Variants in BABAM2 observed in about 807,000 individuals in gnomAD.
BABAM2 encodes BRISC and BRCA1 A complex member 2.
In BABAM2, 31 loss-of-function variants were observed where a neutral mutation model predicts 54.7. The observed-to-expected ratio is 0.57, with a 90% CI of 0.43 to 0.77. The LOEUF (loss-of-function observed/expected upper bound fraction) is 0.77. Ranked by LOEUF, BABAM2 falls within the 30% of genes least tolerant of loss-of-function variation. BABAM2 has a pLI of 0.00. For synonymous variants in BABAM2, 167 were observed against 162.9 expected, an observed-to-expected ratio of 1.03 and a Z score of -0.19; for missense variants, 364 against 455.8, an observed-to-expected ratio of 0.80 and a Z score of 1.83.
intron 11 of BABAM2, among the ~76,000 whole-genome samples, chr2:28,301,618 C>T (rs547209845): frequency 4.2e-4 from 64 of 152,262 alleles, no homozygotes; most frequent in Admixed American, 2.9e-3. Context: ...CCTTTGCTCA[C>T]GCCTTTCCTC....
rs141827670 is a variant in BABAM2 at position 28,188,773 on chromosome 2, G to T, written c.681-48429G>T. Among the ~76,000 whole-genome samples the T allele has an allele frequency of 3.9e-3, 596 of 152,240 alleles. 5 individuals carry two copies. Among genetic ancestry groups the T allele is most frequent in the African/African-American group, 0.013 (553 of 41,538 alleles). ...ATCCACAGCTCCTTGAAGCCCCTTA[G>T]TCCCTAAGCTACAGTTGAACACAGC... is the stretch of plus-strand genomic sequence containing the variant. On this transcript the variant is annotated intron_variant, in intron 7 of 11. Coordinates refer to ENST00000379624, the MANE Select transcript of BABAM2 (RefSeq NM_199191.3).
chr2:28,113,426 T>C (rs1265241974), intron 6 of BABAM2, among the ~76,000 whole-genome samples: 2 of 152,154 alleles, frequency 1.3e-5, no homozygotes, highest in African/African-American at 4.8e-5. Context: ...CCATTGCTTG[T>C]TTTTGTCAGG....
At chr2:28,194,679 T>C (rs1191260169) in intron 7 of BABAM2, among the ~76,000 whole-genome samples, 2 of 147,310 alleles carry the variant, frequency 1.4e-5, no homozygotes, top group Non-Finnish European at 3.0e-5. Flanking sequence ...CCTCCTGGGT[T>C]CAAGTGATTT....
intron 6 of BABAM2, among the ~76,000 whole-genome samples, chr2:28,127,830 G>A (rs1669694182): frequency 6.9e-6 from 1 of 143,982 alleles, no homozygotes; most frequent in African/African-American, 2.6e-5. Context: ...TTTTTGAGGT[G>A]GAGTCTCGCT....
chr2:28,248,835 T>G (rs1187540446), intron 10 of BABAM2, among the ~76,000 whole-genome samples: 1 of 152,200 alleles, frequency 6.6e-6, no homozygotes, highest in African/African-American at 2.4e-5. Context: ...AGACCAAATC[T>G]GACCACTTTT....
intron 2 of BABAM2, among the ~76,000 whole-genome samples, chr2:27,926,803 T>C (rs912645306): frequency 5.9e-5 from 9 of 152,114 alleles, no homozygotes; most frequent in Non-Finnish European, 1.3e-4. Flanking sequence ...TTCATAAAAC[T>C]ATAATTTGTT....
upstream of BABAM2, chr2:27,890,356 T>A (rs761807527): frequency 6.2e-7 from 1 of 1,612,170 alleles, no homozygotes; most frequent in South Asian, 1.1e-5. This position sits in a 1 kb window ranked among gnomAD's most constrained non-coding sequence, Gnocchi z 4.8. Flanking sequence ...CGCTCAAAGG[T>A]GCTGCTGTCC....
intron 4 of BABAM2, among the ~76,000 whole-genome samples, chr2:27,988,300 G>A (rs1256554173): frequency 6.6e-5 from 10 of 151,942 alleles, no homozygotes; most frequent in African/African-American, 2.2e-4. Context: ...AGGGTATTTC[G>A]AATTAATGAA....
At chr2:28,127,325 G>A (rs1669639421) in intron 6 of BABAM2, among the ~76,000 whole-genome samples, 2 of 152,184 alleles carry the variant, frequency 1.3e-5, no homozygotes, top group Non-Finnish European at 2.9e-5. Context: ...ATACTGTTTA[G>A]ACATCAAGTA....
At position 28,275,672 on chromosome 2, in the gene BABAM2, G is replaced by C. The variant is rs181462194; in HGVS notation, c.935-22666G>C. ...CATATGCATTTATTAGCGTGGCTGG[G>C]TCTCTCGTCAAAAATGTCATAATTT... On this transcript the variant is annotated intron_variant, in intron 10 of 11. Transcript: ENST00000379624. Among the ~76,000 whole-genome samples the C allele has an allele frequency of 3.1e-4, 47 of 152,234 alleles. 1 individual carries two copies. The East Asian group carries it at 8.7e-3, about 28-fold the overall frequency.
intron 10 of BABAM2, among the ~76,000 whole-genome samples, chr2:28,295,460 A>G (rs533378077): frequency 9.9e-5 from 15 of 152,228 alleles, no homozygotes; most frequent in Non-Finnish European, 1.9e-4. Context: ...GCAAAAGTGT[A>G]CATAGTATAA....
At chr2:28,082,343 A>G (rs1665249850) in intron 6 of BABAM2, among the ~76,000 whole-genome samples, 1 of 152,188 alleles carries the variant, frequency 6.6e-6, no homozygotes, top group African/African-American at 2.4e-5. Context: ...GAAACATTTT[A>G]AAGATAAAAA....
At chr2:28,227,946 A>C (rs756827335) in intron 7 of BABAM2, among the ~76,000 whole-genome samples, 3 of 152,146 alleles carry the variant, frequency 2.0e-5, no homozygotes, top group African/African-American at 7.2e-5. Flanking sequence ...TCTTAAGCAA[A>C]TATGAAAACT....
At chr2:28,020,824 C>T (rs1032231776) in intron 4 of BABAM2, among the ~76,000 whole-genome samples, 3 of 151,954 alleles carry the variant, frequency 2.0e-5, no homozygotes, top group Non-Finnish European at 4.4e-5. Context: ...TTACAAATGA[C>T]TCTATGTGTA....
Position 28,180,951 on chromosome 2 carries a change from A to G in BABAM2, c.680+51571A>G, listed in dbSNP as rs144605643. Reference sequence around the variant, plus strand: ...GTAGGATGGCAATTATTAAAAAGACAAAAACAACAGATGTCTAGTGAAGAT... The same window carrying G: ...GTAGGATGGCAATTATTAAAAAGACGAAAACAACAGATGTCTAGTGAAGAT... On this transcript the variant is annotated intron_variant, in intron 7 of 11. Transcript: ENST00000379624. 3.3e-5 allele frequency among the ~76,000 whole-genome samples: 5 copies of G among 152,358 alleles called. No homozygotes were observed. In the East Asian group the frequency reaches 7.7e-4, roughly 23 times the overall value.
At chr2:28,085,823 TCTC>T (rs1479068635) in intron 6 of BABAM2, among the ~76,000 whole-genome samples, 1 of 152,190 alleles carries the variant, frequency 6.6e-6, no homozygotes, top group African/African-American at 2.4e-5. Flanking sequence ...TATTTTGGCA[TCTC>T]CTACACATTG....
chr2:28,110,328 A>G (rs1041870549), intron 6 of BABAM2, among the ~76,000 whole-genome samples: 4 of 152,230 alleles, frequency 2.6e-5, no homozygotes, highest in African/African-American at 9.6e-5. Flanking sequence ...TAATGCTATT[A>G]TAAACACAGG....
chr2:27,942,734 T>C (rs976486544), intron 3 of BABAM2, among the ~76,000 whole-genome samples: 3 of 152,046 alleles, frequency 2.0e-5, no homozygotes, highest in African/African-American at 7.2e-5. Context: ...CCCATCTAAG[T>C]GAAATATTGT....
At chr2:28,279,652 C>T (rs940264882) in intron 10 of BABAM2, among the ~76,000 whole-genome samples, 1 of 148,466 alleles carries the variant, frequency 6.7e-6, no homozygotes, top group Admixed American at 6.7e-5. Context: ...GACAGGGCAG[C>T]TCAAAGGCTT....
Sources: allele counts gnomAD v4.1 joint callset (sites outside exome capture counted in the v4.1 genomes callset), GRCh38; gene constraint gnomAD v4.1.1; non-coding constraint Gnocchi (gnomAD v3.1); transcripts MANE v1.5; gene names NCBI Gene and HGNC (gene_info 2026-07-23, HGNC 2026-07-21).